Variants in ACSF3 observed in about 807,000 individuals in gnomAD.
The protein encoded by ACSF3 is malonate--CoA ligase ACSF3, mitochondrial.
Under a neutral mutation model 53.2 loss-of-function variants are expected in ACSF3, and 78 were observed. That is an observed-to-expected ratio of 1.47 (90% CI 1.22 to 1.77). The LOEUF is 1.77. Ranked by LOEUF, ACSF3 falls within the 40% of genes most tolerant of loss-of-function variation. The pLI is 0.00. For missense variants in ACSF3, 937 were observed against 771.1 expected (o/e 1.22, Z -2.55); for synonymous variants, 414 against 333.1 (o/e 1.24, Z -2.65).
rs569497958 is a variant in ACSF3, at chr16:89,131,299, T to A, written c.1240-1837T>A. The stretch of plus-strand genomic sequence containing the variant: ...GACCACCACACCTGGCTAGTTTTTA[T>A]CTTTTTTGTAGAGACAGGGTTTTGC... On this transcript the variant is annotated intron_variant, in intron 7 of 10. Transcript: ENST00000614302. 8.6e-5 allele frequency among the ~76,000 whole-genome samples: 13 copies of A among 152,044 alleles called. No homozygotes were observed. In the South Asian group the frequency reaches 2.3e-3, roughly 27 times the overall value.
At position 89,146,069 on chromosome 16, in the gene ACSF3, G is replaced by GGGGC; in HGVS notation, c.1613+20_1613+21insGGGC. ...GGCCAGGTAGGGCTGGGTGGGGCGG[G>GGGGC]CAGGGAGCACTCATGGGGTCTTGGG... On this transcript the variant is annotated intron_variant, in intron 10 of 10. Coordinates refer to ENST00000614302, the MANE Select transcript of ACSF3 (RefSeq NM_001243279.3). 5.6e-6 allele frequency: 3 copies of GGGGC among 534,940 alleles called. No individual in the cohort carries two copies. The highest frequency in any genetic ancestry group is 5.1e-5 in the East Asian group (1 of 19,466). The allele number at this position is 534,940 out of a possible 1,614,324, so 33.1% of individuals were successfully genotyped here.
chr16:89,102,847 C>G (rs1975521552), intron 4 of ACSF3, 88 bp downstream of exon 4: 3 of 1,559,472 alleles, frequency 1.9e-6, no homozygotes, highest in Non-Finnish European at 1.7e-6. Context: ...CGCCCTCAGC[C>G]TAAGCGCCTT....
At position 89,114,266 on chromosome 16, in the gene ACSF3, G is replaced by C. The variant is rs1904635683; in HGVS notation, c.978-73G>C. The C allele has an allele frequency of 5.0e-6, 8 of 1,603,454 alleles. No homozygotes were observed. The Admixed American group carries it at 1.2e-4, about 23-fold the overall frequency. On this transcript the variant is annotated intron_variant, in intron 5 of 10. Coordinates refer to ENST00000614302, the MANE Select transcript of ACSF3 (RefSeq NM_001243279.3). ...GCAAGCAAGGGCCGCCTCCTGAGGG[G>C]CTAAACCTGCCACCTTTGCACGCGA...
intron 1 of ACSF3, among the ~76,000 whole-genome samples, chr16:89,098,361 C>A (rs1459482620): frequency 6.6e-6 from 1 of 152,238 alleles, no homozygotes; most frequent in Non-Finnish European, 1.5e-5. Context: ...ACCTGCTGAA[C>A]ATGGGCACAG....
At chr16:89,119,647 G>A (rs1284732931) in intron 6 of ACSF3, among the ~76,000 whole-genome samples, 2 of 152,226 alleles carry the variant, frequency 1.3e-5, no homozygotes, top group African/African-American at 2.4e-5. Context: ...GTGGTGACAC[G>A]GGTTTCTGAC....
intron 8 of ACSF3, among the ~76,000 whole-genome samples, chr16:89,137,759 G>A (rs776022648): frequency 1.3e-5 from 2 of 152,188 alleles, no homozygotes; most frequent in Non-Finnish European, 1.5e-5. Context: ...AATTCTGCTC[G>A]GAGCGAGAAG....
chr16:89,154,318 A>C lies in ACSF3; in HGVS notation c.*111A>C. ...GCCTCCCTTAAACCTGAACCCCCCA[A>C]ATCAGGTCACGTAGAATCAAGAACT... On this transcript the variant is annotated 3_prime_UTR_variant, in exon 11 of 11. Coordinates refer to ENST00000614302, the MANE Select transcript of ACSF3 (RefSeq NM_001243279.3). 2.0e-6 allele frequency: 2 copies of C among 985,334 alleles called. No individual in the cohort carries two copies. The highest frequency in any genetic ancestry group is 3.1e-6 in the Non-Finnish European group (2 of 636,070). 61.0% of individuals were successfully genotyped at this position (985,334 alleles called of 1,614,324 possible). A position where few individuals can be genotyped will look rare whatever the true frequency, so the allele number is the denominator to read the frequency against.
At position 89,154,710 on chromosome 16, in the gene ACSF3, A is replaced by G. The variant is rs775617068; in HGVS notation, c.*503A>G. 3.7e-5 allele frequency: 17 copies of G among 454,052 alleles called. No homozygotes were observed. Among genetic ancestry groups the G allele is most frequent in the Non-Finnish European group, 1.3e-5 (3 of 226,848 alleles). 28.1% of individuals were successfully genotyped at this position (454,052 alleles called of 1,614,324 possible). ...TCCTGGGAGGAGCTGAGGGTTCACA[A>G]GCCTCCCAGAACCAGCCCTGTCCCA... On this transcript the variant is annotated 3_prime_UTR_variant, in exon 11 of 11. Coordinates refer to ENST00000614302, the MANE Select transcript of ACSF3 (RefSeq NM_001243279.3).
chr16:89,134,954 G>A (rs892334361), intron 8 of ACSF3, among the ~76,000 whole-genome samples: 1 of 152,192 alleles, frequency 6.6e-6, no homozygotes, highest in African/African-American at 2.4e-5. Context: ...GACATTTGGA[G>A]AGTGGACACA....
Position 89,133,342 on chromosome 16 carries a change from C to G in ACSF3, c.1366+80C>G, listed in dbSNP as rs532007657. On this transcript the variant is annotated intron_variant, in intron 8 of 10. Coordinates refer to ENST00000614302, the MANE Select transcript of ACSF3 (RefSeq NM_001243279.3). ...CATTGCTGCCCACGTTGAGTGACAC[C>G]GAGGCTGGGAGTTCCCAGAATTTTC... 1.3e-5 allele frequency: 21 copies of G among 1,587,872 alleles called. No homozygotes were observed. In the East Asian group the frequency reaches 4.3e-4, roughly 32 times the overall value.
At chr16:89,112,493 C>G (rs939594037) in intron 5 of ACSF3, among the ~76,000 whole-genome samples, 7 of 152,134 alleles carry the variant, frequency 4.6e-5, no homozygotes, top group African/African-American at 1.4e-4. Context: ...ATCGCTCTCT[C>G]TGTCACACTC....
chr16:89,144,334 G>A (rs922557756), intron 8 of ACSF3, among the ~76,000 whole-genome samples: 1 of 152,272 alleles, frequency 6.6e-6, no homozygotes, highest in Non-Finnish European at 1.5e-5. Context: ...CCTTAGGAAG[G>A]AAAACGTGGG....
chr16:89,141,536 C>T (rs1380931109), intron 8 of ACSF3, among the ~76,000 whole-genome samples: 1 of 152,164 alleles, frequency 6.6e-6, no homozygotes, highest in African/African-American at 2.4e-5. Flanking sequence ...CTGGAGGGCC[C>T]CGGCCTAGAG....
Position 89,156,011 on chromosome 16 carries a change from C to T in ACSF3, c.*1804C>T, listed in dbSNP as rs1018020530. On this transcript the variant is annotated 3_prime_UTR_variant, in exon 11 of 11. Transcript: ENST00000614302. ...GGAGCTCGTTGACCAGCCGGTTGACCAGAATACGGTGCTCCAAGGACATGC... is the reference window on the plus strand; with the variant it reads ...GGAGCTCGTTGACCAGCCGGTTGACTAGAATACGGTGCTCCAAGGACATGC... Among the ~76,000 whole-genome samples the T allele has an allele frequency of 2.0e-5, 3 of 152,188 alleles. No individual in the cohort carries two copies. Among genetic ancestry groups the T allele is most frequent in the African/African-American group, 7.2e-5 (3 of 41,452 alleles).
At chr16:89,116,855 C>T (rs1489465920) in intron 6 of ACSF3, among the ~76,000 whole-genome samples, 4 of 152,158 alleles carry the variant, frequency 2.6e-5, no homozygotes, top group African/African-American at 9.7e-5. Flanking sequence ...TGGGCTGACT[C>T]GCGCATCTCC....
intron 7 of ACSF3, among the ~76,000 whole-genome samples, chr16:89,128,947 G>C (rs1908718334): frequency 6.9e-6 from 1 of 145,484 alleles, no homozygotes; most frequent in African/African-American, 2.6e-5. Context: ...GCAACATAGT[G>C]AGACCCCATC....
intron 4 of ACSF3, among the ~76,000 whole-genome samples, chr16:89,104,444 C>T (rs940700723): frequency 1.3e-5 from 2 of 152,216 alleles, no homozygotes; most frequent in African/African-American, 2.4e-5. Flanking sequence ...CGGCCCCACA[C>T]TCACCGCTCT....
At chr16:89,139,502 G>A (rs1286248952) in intron 8 of ACSF3, among the ~76,000 whole-genome samples, 3 of 151,810 alleles carry the variant, frequency 2.0e-5, no homozygotes, top group South Asian at 2.1e-4. Flanking sequence ...GTTAGAAGTC[G>A]CTTCTCTATC....
intron 1 of ACSF3, among the ~76,000 whole-genome samples, chr16:89,096,727 T>C (rs1282574665): frequency 6.6e-6 from 1 of 152,058 alleles, no homozygotes; most frequent in Non-Finnish European, 1.5e-5. Flanking sequence ...GTGCCAGGAC[T>C]CCCCCCTTCC....
Sources: gnomAD v4.1 joint callset for allele counts (sites outside exome capture counted in the v4.1 genomes callset) on GRCh38, gnomAD v4.1.1 for gene constraint, MANE v1.5 for transcripts, NCBI Gene and HGNC (gene_info 2026-07-23, HGNC 2026-07-21) for gene names.